The following DLG2 variants were observed in gnomAD, a reference collection of about 807,000 sequenced individuals.
DLG2 encodes discs large MAGUK scaffold protein 2.
Under a neutral mutation model 132.5 loss-of-function variants are expected in DLG2, and 45 were observed. The ratio of observed to expected loss-of-function variants is 0.34; its 90% CI spans 0.27 to 0.44. The LOEUF (loss-of-function observed/expected upper bound fraction) is 0.44, where lower values mean the gene tolerates loss of function less well. DLG2 is among the 20% of genes least tolerant of loss of function. DLG2 has a pLI of 1.00. For synonymous variants in DLG2, 424 were observed against 419.6 expected (o/e 1.01, Z -0.13); for missense variants, 1,045 against 1,196.9 (o/e 0.87, Z 1.87).
chr11:84,366,499 A>G (rs949166226), intron 7 of DLG2, among the ~76,000 whole-genome samples: 2 of 152,182 alleles, frequency 1.3e-5, no homozygotes, highest in Non-Finnish European at 2.9e-5. Context: ...AAATGCTCCA[A>G]TTAAAAGACA....
In DLG2 at chr11:84,054,647, A is replaced by G. The variant is rs575420911; in HGVS notation, c.919+4668T>C. Among the ~76,000 whole-genome samples the G allele has an allele frequency of 1.0e-3, 154 of 152,210 alleles. 5 individuals are homozygous for G. The highest frequency in any genetic ancestry group is 3.4e-3 in the African/African-American group (143 of 41,576). The stretch of plus-strand genomic sequence containing the variant: ...TGATTGATTCTATCTGAGTGTTGGG[A>G]AGATTAGCTCTGCTATAAAGACAAA... On this transcript the variant is annotated intron_variant, in intron 11 of 27. Coordinates refer to ENST00000376104, the MANE Select transcript of DLG2 (RefSeq NM_001142699.3).
In DLG2 at chr11:85,245,318, C is replaced by G. The variant is rs139886354; in HGVS notation, c.186+39902G>C. Among the ~76,000 whole-genome samples the G allele has an allele frequency of 3.8e-4, 58 of 152,108 alleles. 2 individuals are homozygous for G. The highest frequency in any genetic ancestry group is 1.2e-3 in the African/African-American group (48 of 41,548). On this transcript the variant is annotated intron_variant, in intron 4 of 27. Coordinates refer to ENST00000376104, the MANE Select transcript of DLG2 (RefSeq NM_001142699.3). ...TATCTTCCCCACCTCCAAACTTGCT[C>G]TGCTTACAGCCTCCTTCACTTTAAC...
At chr11:84,347,287 A>G (rs1291927597) in intron 7 of DLG2, among the ~76,000 whole-genome samples, 3 of 152,190 alleles carry the variant, frequency 2.0e-5, no homozygotes, top group African/African-American at 7.2e-5. Flanking sequence ...AACATATGTA[A>G]TACATTGTAT....
intron 18 of DLG2, among the ~76,000 whole-genome samples, chr11:83,776,060 C>G (rs1330710108): frequency 6.6e-6 from 1 of 151,784 alleles, no homozygotes; most frequent in African/African-American, 2.4e-5. Context: ...CCACTGCACT[C>G]CAGCCTGGGT....
chr11:83,796,951 T>C (rs1238752872), intron 17 of DLG2, among the ~76,000 whole-genome samples: 1 of 152,074 alleles, frequency 6.6e-6, no homozygotes, highest in Non-Finnish European at 1.5e-5. Context: ...GAGGCATTCC[T>C]ACCAAGGGAT....
chr11:83,605,840 G>GGCAGTCA (rs1443230241), intron 19 of DLG2, among the ~76,000 whole-genome samples: 2 of 152,338 alleles, frequency 1.3e-5, no homozygotes, highest in East Asian at 3.9e-4. Flanking sequence ...TCCATTTCAT[G>GGCAGTCA]GCAGTCAGCA....
chr11:85,489,379 T>C (rs1211557968), intron 3 of DLG2, among the ~76,000 whole-genome samples: 1 of 152,168 alleles, frequency 6.6e-6, no homozygotes, highest in African/African-American at 2.4e-5. Context: ...TAAATATATA[T>C]GCACCCAACA....
chr11:85,031,340 C>T (rs2154144831), intron 6 of DLG2, among the ~76,000 whole-genome samples: 1 of 152,122 alleles, frequency 6.6e-6, no homozygotes, highest in South Asian at 2.1e-4. Context: ...TATTTCTAAG[C>T]AGTGTACAGC....
intron 6 of DLG2, among the ~76,000 whole-genome samples, chr11:84,987,042 C>T (rs543613163): frequency 0.02 from 2,986 of 152,234 alleles, 53 homozygotes; most frequent in Admixed American, 0.042. Context: ...GCTCCTAGAA[C>T]TGATAAAAGA....
chr11:84,942,670 G>T (rs1296410793), intron 6 of DLG2, among the ~76,000 whole-genome samples: 3 of 152,064 alleles, frequency 2.0e-5, no homozygotes, highest in African/African-American at 7.2e-5. Flanking sequence ...AATGACCCCT[G>T]TGCTAAGGTG....
At chr11:83,731,213 G>A (rs2090949970) in intron 18 of DLG2, among the ~76,000 whole-genome samples, 2 of 152,136 alleles carry the variant, frequency 1.3e-5, no homozygotes, top group South Asian at 4.1e-4. Context: ...GTGTTTTGCT[G>A]TACCTAGCAA....
At chr11:83,714,805 C>T (rs967437174) in intron 18 of DLG2, among the ~76,000 whole-genome samples, 2 of 152,120 alleles carry the variant, frequency 1.3e-5, no homozygotes, top group Admixed American at 6.5e-5. Flanking sequence ...ACGTGTGCCA[C>T]GTTGGTGGGA....
intron 21 of DLG2, among the ~76,000 whole-genome samples, chr11:83,495,366 G>A (rs1307923142): frequency 6.6e-6 from 1 of 152,060 alleles, no homozygotes; most frequent in Non-Finnish European, 1.5e-5. Context: ...CTTCAGAATT[G>A]TAATTGACAA....
At chr11:84,672,922 T>C (rs564659124) in intron 6 of DLG2, among the ~76,000 whole-genome samples, 2 of 152,224 alleles carry the variant, frequency 1.3e-5, no homozygotes, top group African/African-American at 4.8e-5. Context: ...CTTTTACTCA[T>C]GGCAGAAAGC....
chr11:85,148,881 G>C (rs959612481), intron 5 of DLG2, among the ~76,000 whole-genome samples: 14 of 152,044 alleles, frequency 9.2e-5, no homozygotes, highest in African/African-American at 3.4e-4. Context: ...TTATGGTTTT[G>C]GGTTTACATT....
chr11:84,883,889 T>C (rs571209484), intron 6 of DLG2, among the ~76,000 whole-genome samples: 1 of 152,218 alleles, frequency 6.6e-6, no homozygotes, highest in East Asian at 1.9e-4. Flanking sequence ...GAATCTGTAT[T>C]CTATGGAATT....
intron 6 of DLG2, among the ~76,000 whole-genome samples, chr11:84,819,900 C>T (rs775174957): frequency 6.6e-6 from 1 of 151,658 alleles, no homozygotes; most frequent in Non-Finnish European, 1.5e-5. Context: ...AGCTCCCCAG[C>T]ACATCTGGAG....
chr11:84,641,178 C>T (rs887916512), intron 6 of DLG2, among the ~76,000 whole-genome samples: 5 of 152,070 alleles, frequency 3.3e-5, no homozygotes, highest in African/African-American at 1.2e-4. Context: ...ATTTTAATCC[C>T]AGCTTCTGCC....
chr11:83,837,743 A>AAG (rs1555035012), intron 16 of DLG2, among the ~76,000 whole-genome samples: 5 of 150,326 alleles, frequency 3.3e-5, no homozygotes, highest in Admixed American at 6.6e-5. Flanking sequence ...AAAAAAAAAA[A>AAG]AAAAGAAAAG....
Sources: gnomAD v4.1 joint callset for allele counts (sites outside exome capture counted in the v4.1 genomes callset) on GRCh38, gnomAD v4.1.1 for gene constraint, MANE v1.5 for transcripts, NCBI Gene and HGNC (gene_info 2026-07-23, HGNC 2026-07-21) for gene names.